The following FHIP2A variants were observed in gnomAD, a reference collection of about 807,000 sequenced individuals.
FHIP2A encodes FHF complex subunit HOOK interacting protein 2A, also known as family with sequence similarity 160 member B1.
In FHIP2A, 46 loss-of-function variants were observed where a neutral mutation model predicts 93.5. That is an observed-to-expected ratio of 0.49 (90% CI 0.39 to 0.63). The LOEUF (loss-of-function observed/expected upper bound fraction) is 0.63, where lower values mean the gene tolerates loss of function less well. FHIP2A is among the 20% of genes least tolerant of loss of function. The pLI, the probability that FHIP2A is intolerant of heterozygous loss-of-function variation, is 0.00. For missense variants in FHIP2A, 769 were observed against 909.7 expected, an observed-to-expected ratio of 0.85 and a Z score of 1.99; for synonymous variants, 332 against 326.5, an observed-to-expected ratio of 1.02 and a Z score of -0.18.
intron 16 of FHIP2A, among the ~76,000 whole-genome samples, chr10:114,892,792 A>G (rs1487518885): frequency 6.6e-6 from 1 of 152,216 alleles, no homozygotes; most frequent in East Asian, 1.9e-4. Context: ...CACACATTTT[A>G]TCCAGACATT....
chr10:114,861,245 T>C lies in FHIP2A; in HGVS notation c.2103T>C (p.Leu701=), dbSNP rs1000688094. 6.2e-7 allele frequency: 1 copy of C among 1,614,046 alleles called. No homozygotes were observed. The highest frequency in any genetic ancestry group is 8.5e-7 in the Non-Finnish European group (1 of 1,180,032). The change falls in exon 16 of 17, where the codon CTT becomes CTC. Residue 701 remains leucine, a synonymous_variant. Transcript: ENST00000369248. ...FSVIVRVVGD[L]MLRIQRIQDF... is the part of the protein sequence containing the mutation. The stretch of plus-strand genomic sequence containing the variant: ...CTGTGATGCAGGTTGTTGGAGACCT[T>C]ATGCTTCGAATCCAGCGTATTCAAG...
chr10:114,891,909 C>A (rs1220156093), intron 16 of FHIP2A, among the ~76,000 whole-genome samples: 1 of 151,988 alleles, frequency 6.6e-6, no homozygotes, highest in East Asian at 1.9e-4. Context: ...AGCTACCATA[C>A]CCAGCCAAGG....
At chr10:114,867,699 C>A (rs560821564), downstream of FHIP2A, among the ~76,000 whole-genome samples, 3 of 152,168 alleles carry the variant, frequency 2.0e-5, no homozygotes, top group South Asian at 6.2e-4. Flanking sequence ...GCCAGATGTG[C>A]ATGGAGAGAT....
intron 4 of FHIP2A, 140 bp downstream of exon 4, chr10:114,835,781 T>G (rs1336749515): frequency 7.0e-6 from 4 of 572,752 alleles, no homozygotes; most frequent in Non-Finnish European, 1.2e-5. Context: ...TGAGCTTTCT[T>G]TATGCATCAC....
At position 114,846,507 on chromosome 10, in the gene FHIP2A, G is replaced by GT. The variant is rs1340363486; in HGVS notation, c.1399-51dup. 5 of 1,502,328 alleles carry GT rather than the reference G, an allele frequency of 3.3e-6. No individual in the cohort carries two copies. The Admixed American group carries it at 8.5e-5, about 25-fold the overall frequency. The allele number at this position is 1,502,328 out of a possible 1,614,324, so 93.1% of individuals were successfully genotyped here. ...CATGACTCACAAGATGGTAAGAAGA[G>GT]TAACTTATGTAAAGACATTTTTCAG... is the stretch of plus-strand genomic sequence containing the variant. On this transcript the variant is annotated intron_variant, in intron 10 of 16. Coordinates refer to ENST00000369248, the MANE Select transcript of FHIP2A (RefSeq NM_020940.4).
Position 114,822,132 on chromosome 10 carries a change from GC to G in FHIP2A, c.45+10del. ...AGCACGCCGTGGAGGCGGTAAGGCCGCGGGCTGCGGGCGCACGGCAGGCCGG... is the reference window on the plus strand; with the variant it reads ...AGCACGCCGTGGAGGCGGTAAGGCCGGGGCTGCGGGCGCACGGCAGGCCGG... On this transcript the variant is annotated intron_variant, in intron 1 of 16. Coordinates refer to ENST00000369248, the MANE Select transcript of FHIP2A (RefSeq NM_020940.4). 1 of 1,311,324 alleles carries G rather than the reference GC, an allele frequency of 7.6e-7. No individual in the cohort carries two copies. The highest frequency in any genetic ancestry group is 9.9e-7 in the Non-Finnish European group (1 of 1,008,810). The allele number at this position is 1,311,324 out of a possible 1,614,324, so 81.2% of individuals were successfully genotyped here. A position where few individuals can be genotyped will look rare whatever the true frequency, so the allele number is the denominator to read the frequency against.
rs1244366383 is a variant in FHIP2A, at chr10:114,847,167, C to T, written c.1646C>T (p.Ser549Leu). Residue 549 changes from serine (S) to leucine (L), a missense_variant, in exon 12 of 17, where the codon TCA becomes TTA. By Grantham distance (145) the Ser-to-Leu change is moderately radical (BLOSUM62 -2). Coordinates refer to ENST00000369248, the MANE Select transcript of FHIP2A (RefSeq NM_020940.4). The stretch of plus-strand genomic sequence containing the variant: ...CCAAACCAAGAGTGGCTTAGTTCTT[C>T]ACCTCCTGCTACTCCAGACCACCCC... ...TLPNQEWLSS[S>L]PPATPDHPKN... The T allele has an allele frequency of 6.2e-6, 10 of 1,613,410 alleles. No individual in the cohort carries two copies. Among genetic ancestry groups the T allele is most frequent in the Non-Finnish European group, 7.6e-6 (9 of 1,179,534 alleles).
rs533180551 is a variant in FHIP2A at position 114,850,715 on chromosome 10, A to G, written c.1803+1978A>G. Among the ~76,000 whole-genome samples, 5 of 152,200 alleles carry G rather than the reference A, an allele frequency of 3.3e-5. No individual in the cohort carries two copies. The East Asian group carries it at 9.6e-4, about 29-fold the overall frequency. On this transcript the variant is annotated intron_variant, in intron 13 of 16. Coordinates refer to ENST00000369248, the MANE Select transcript of FHIP2A (RefSeq NM_020940.4). ...ACCCTGTCTCCAAAAAATAAAAAAAATTCCTTTGCCTGTGTTTTAATTGGG... is the reference window on the plus strand; with the variant it reads ...ACCCTGTCTCCAAAAAATAAAAAAAGTTCCTTTGCCTGTGTTTTAATTGGG...
chr10:114,879,816 G>A (rs993046764), intron 16 of FHIP2A, among the ~76,000 whole-genome samples: 7 of 152,120 alleles, frequency 4.6e-5, no homozygotes, highest in Admixed American at 1.3e-4. Flanking sequence ...AGCTTCCTTC[G>A]AGCCAATATT....
At chr10:114,833,206 A>G (rs775594778) in intron 2 of FHIP2A, 27 bp from the exon 3 acceptor site, 10 of 1,569,248 alleles carry the variant, frequency 6.4e-6, no homozygotes, top group Non-Finnish European at 8.7e-6. Context: ...ATGTTTAAAT[A>G]TTTGATGAAT....
intron 16 of FHIP2A, among the ~76,000 whole-genome samples, chr10:114,892,914 T>C (rs1473797715): frequency 6.6e-6 from 1 of 152,212 alleles, no homozygotes; most frequent in East Asian, 1.9e-4. Flanking sequence ...TGTAGCTCTA[T>C]AGAGGAACAA....
intron 6 of FHIP2A, 42 bp from the exon 7 acceptor site, chr10:114,843,699 T>A: frequency 7.2e-7 from 1 of 1,385,376 alleles, no homozygotes. Context: ...ACCTGATGTA[T>A]ATACAATTCA....
rs373652129 is a variant in FHIP2A at position 114,826,530 on chromosome 10, C to A, written c.46-4322C>A. Among the ~76,000 whole-genome samples, 13 of 152,298 alleles carry A rather than the reference C, an allele frequency of 8.5e-5. No individual in the cohort carries two copies. In the East Asian group the frequency reaches 1.7e-3, roughly 20 times the overall value. The stretch of plus-strand genomic sequence containing the variant: ...CTCAGTAAAAGTCAACCATTATTGT[C>A]ATTTGGATGATTGGTTTAGCCAGTG... On this transcript the variant is annotated intron_variant, in intron 1 of 16. Transcript: ENST00000369248.
At chr10:114,835,438 C>A in intron 3 of FHIP2A, 99 bp from the exon 4 acceptor site, 1 of 636,358 alleles carries the variant, frequency 1.6e-6, no homozygotes, top group South Asian at 2.2e-5. Flanking sequence ...AGGTGGAATA[C>A]ATTCATATAC....
Position 114,860,729 on chromosome 10 carries a change from T to C in FHIP2A, c.1948-20T>C, listed in dbSNP as rs1167614149. On this transcript the variant is annotated intron_variant, in intron 14 of 16. Coordinates refer to ENST00000369248, the MANE Select transcript of FHIP2A (RefSeq NM_020940.4). ...TATACATTATTTTTAAATGTCTTTC[T>C]GTTTTTTATCTCTCCATAGCCATAT... 5.1e-6 allele frequency: 8 copies of C among 1,557,988 alleles called. No individual in the cohort carries two copies. The highest frequency in any genetic ancestry group is 7.1e-6 in the Non-Finnish European group (8 of 1,129,092).
chr10:114,863,639 T>C lies in FHIP2A; in HGVS notation c.*2099T>C. The stretch of plus-strand genomic sequence containing the variant: ...TGTTTTTCATCCCTTCTTTTTTCTT[T>C]TATATTTAGTTCAGACCTAGAGCCA... On this transcript the variant is annotated 3_prime_UTR_variant, in exon 17 of 17. Coordinates refer to ENST00000369248, the MANE Select transcript of FHIP2A (RefSeq NM_020940.4). The C allele has an allele frequency of 2.3e-6, 3 of 1,289,086 alleles. No individual in the cohort carries two copies. Among genetic ancestry groups the C allele is most frequent in the Non-Finnish European group, 3.0e-6 (3 of 984,850 alleles). 79.9% of individuals were successfully genotyped at this position (1,289,086 alleles called of 1,614,324 possible). A position where few individuals can be genotyped will look rare whatever the true frequency, so the allele number is the denominator to read the frequency against.
chr10:114,859,523 C>A (rs2083785501), intron 14 of FHIP2A, among the ~76,000 whole-genome samples: 1 of 152,154 alleles, frequency 6.6e-6, no homozygotes, highest in African/African-American at 2.4e-5. Context: ...TCACTCTTGC[C>A]ACCTGGGTTC....
At chr10:114,873,651 A>G (rs367575805) in intron 16 of FHIP2A, among the ~76,000 whole-genome samples, 2 of 152,180 alleles carry the variant, frequency 1.3e-5, no homozygotes, top group African/African-American at 2.4e-5. Context: ...ATGGATATTT[A>G]TCTTATACTT....
chr10:114,833,265 C>T lies in FHIP2A; in HGVS notation c.157C>T (p.Pro53Ser). The T allele has an allele frequency of 6.2e-7, 1 of 1,611,684 alleles. No homozygotes were observed. The highest frequency in any genetic ancestry group is 2.2e-5 in the East Asian group (1 of 44,796). The change falls in exon 3 of 17, where the codon CCA becomes TCA. Residue 53 changes from proline to serine, a missense_variant. Coordinates refer to ENST00000369248, the MANE Select transcript of FHIP2A (RefSeq NM_020940.4). ...DKAPVTDTNI[P>S]SHLEQMLDIL... is the part of the protein sequence containing the mutation. Reference sequence around the variant, plus strand: ...AGCCCCAGTGACCGATACAAATATTCCATCGCATCTGGAACAGATGTTAGA... The same window carrying T: ...AGCCCCAGTGACCGATACAAATATTTCATCGCATCTGGAACAGATGTTAGA...
Sources: allele counts gnomAD v4.1 joint callset (sites outside exome capture counted in the v4.1 genomes callset), GRCh38; gene constraint gnomAD v4.1.1; transcripts MANE v1.5; gene names NCBI Gene and HGNC (gene_info 2026-07-23, HGNC 2026-07-21).